The following ERC2 variants were observed in gnomAD, a reference collection of about 807,000 sequenced individuals.
ERC2 encodes the protein ERC protein 2.
A neutral mutation model predicts 114.8 loss-of-function variants in ERC2; 42 were observed. The ratio of observed to expected loss-of-function variants is 0.37; its 90% CI spans 0.29 to 0.47. The LOEUF (loss-of-function observed/expected upper bound fraction) is 0.47. Among genes scored for constraint, ERC2 ranks in the 20% least tolerant of loss-of-function variants. The pLI is 0.99. For missense variants in ERC2, 939 were observed against 1,150.7 expected, an observed-to-expected ratio of 0.82 and a Z score of 2.66; for synonymous variants, 454 against 425.5, an observed-to-expected ratio of 1.07 and a Z score of -0.82.
chr3:55,636,845 C>G (rs1304263490), intron 17 of ERC2, among the ~76,000 whole-genome samples: 2 of 152,232 alleles, frequency 1.3e-5, no homozygotes, highest in Non-Finnish European at 2.9e-5. Flanking sequence ...TAATGACAAA[C>G]CAGACCTGAT....
intron 14 of ERC2, among the ~76,000 whole-genome samples, chr3:55,745,594 C>T (rs1470242109): frequency 6.6e-6 from 1 of 152,114 alleles, no homozygotes; most frequent in African/African-American, 2.4e-5. Context: ...TTCAATTCTG[C>T]CAAGGTAGCT....
intron 2 of ERC2, among the ~76,000 whole-genome samples, chr3:56,404,001 A>T (rs1344198486): frequency 6.6e-6 from 1 of 152,240 alleles, no homozygotes; most frequent in African/African-American, 2.4e-5. Flanking sequence ...ACATCGCACC[A>T]GAGGTGCATA....
At chr3:55,653,500 T>C (rs761727601) in intron 17 of ERC2, among the ~76,000 whole-genome samples, 3 of 151,846 alleles carry the variant, frequency 2.0e-5, no homozygotes, top group Non-Finnish European at 4.4e-5. Context: ...AAGTCCACAA[T>C]ACACAAAGTG....
At chr3:56,142,547 G>T (rs1021649339) in intron 5 of ERC2, among the ~76,000 whole-genome samples, 4 of 151,602 alleles carry the variant, frequency 2.6e-5, no homozygotes, top group African/African-American at 9.7e-5. Context: ...CTAATTTTCA[G>T]CCTTGTTTCA....
chr3:56,311,231 T>TTCTC lies in ERC2; in HGVS notation c.658-14800_658-14797dup, dbSNP rs370683995. ...CAGTGTTCTTGGGATATCCATCATC[T>TTCTC]TCTCTCTCTCTCTCTCTCTCTCTCT... On this transcript the variant is annotated intron_variant, in intron 2 of 17. Coordinates refer to ENST00000288221, the MANE Select transcript of ERC2 (RefSeq NM_015576.3). 2.2e-3 allele frequency among the ~76,000 whole-genome samples: 207 copies of TTCTC among 96,242 alleles called. 1 individual carries two copies. Among genetic ancestry groups the TTCTC allele is most frequent in the African/African-American group, 3.9e-3 (79 of 20,154 alleles). 63.1% of individuals were successfully genotyped at this position (96,242 alleles called of 152,430 possible).
chr3:55,913,022 G>T (rs1311928524), intron 13 of ERC2, among the ~76,000 whole-genome samples: 2 of 151,896 alleles, frequency 1.3e-5, no homozygotes, highest in African/African-American at 4.8e-5. Context: ...GTCTTGCTCT[G>T]TTGCCCAGGC....
chr3:55,896,442 A>T (rs758102236), intron 13 of ERC2, among the ~76,000 whole-genome samples: 29 of 152,348 alleles, frequency 1.9e-4, no homozygotes, highest in Non-Finnish European at 3.7e-4. Context: ...ACAGTAATTA[A>T]GAGACAATAA....
At chr3:56,435,952 C>A (rs1399004380) in intron 1 of ERC2, among the ~76,000 whole-genome samples, 1 of 152,150 alleles carries the variant, frequency 6.6e-6, no homozygotes, top group Non-Finnish European at 1.5e-5. Flanking sequence ...TTCATATTAA[C>A]CACTTCATGT....
chr3:56,413,491 C>A (rs2061023078), intron 2 of ERC2, among the ~76,000 whole-genome samples: 1 of 152,028 alleles, frequency 6.6e-6, no homozygotes, highest in Non-Finnish European at 1.5e-5. Context: ...TCAAAAAATC[C>A]CTGCATGGAA....
At chr3:56,068,872 T>A (rs937805504) in intron 7 of ERC2, among the ~76,000 whole-genome samples, 1 of 152,240 alleles carries the variant, frequency 6.6e-6, no homozygotes, top group African/African-American at 2.4e-5. Flanking sequence ...TTCTTAATCT[T>A]TAGTTCTAAT....
In ERC2 at chr3:55,999,949, G is replaced by A. The variant is rs376870099; in HGVS notation, c.2061+7232C>T. On this transcript the variant is annotated intron_variant, in intron 10 of 17. Transcript: ENST00000288221. ...AATGAAAAGCAGAAATAATTAAGGT[G>A]TAATTTGTTTTACTAGATATTTAAA... 4.6e-5 allele frequency among the ~76,000 whole-genome samples: 7 copies of A among 151,826 alleles called. No homozygotes were observed. In the South Asian group the frequency reaches 6.2e-4, roughly 14 times the overall value.
At chr3:55,571,419 C>T (rs1170116454) in intron 17 of ERC2, among the ~76,000 whole-genome samples, 1 of 152,182 alleles carries the variant, frequency 6.6e-6, no homozygotes, top group African/African-American at 2.4e-5. Context: ...CAACCACTTC[C>T]TCCCTTCTGG....
chr3:56,296,596 G>T (rs902255855), intron 2 of ERC2, among the ~76,000 whole-genome samples, 161 bp from the exon 3 acceptor site: 14 of 152,204 alleles, frequency 9.2e-5, no homozygotes, highest in Middle Eastern at 3.2e-3. Flanking sequence ...AGAAGCATGG[G>T]ACAGCACATG....
At chr3:55,843,219 T>C (rs897119685) in intron 14 of ERC2, among the ~76,000 whole-genome samples, 1 of 152,154 alleles carries the variant, frequency 6.6e-6, no homozygotes, top group African/African-American at 2.4e-5. Flanking sequence ...CTTTCTCTTC[T>C]CATGGTTGGA....
chr3:55,894,027 A>G (rs1404601237), intron 13 of ERC2, among the ~76,000 whole-genome samples: 1 of 152,164 alleles, frequency 6.6e-6, no homozygotes, highest in African/African-American at 2.4e-5. Context: ...CACTTAGTAT[A>G]TTCTTAACAC....
Position 56,355,292 on chromosome 3 carries a change from T to TC in ERC2, c.658-58858_658-58857insG, listed in dbSNP as rs1282087943. Among the ~76,000 whole-genome samples the TC allele has an allele frequency of 2.0e-5, 3 of 151,414 alleles. No homozygotes were observed. In the East Asian group the frequency reaches 5.8e-4, roughly 29 times the overall value. On this transcript the variant is annotated intron_variant, in intron 2 of 17. Transcript: ENST00000288221. ...AAGGAGCTATTATTTCACCTTTTTT[T>TC]TTCTTGTTTTCTTTTTCTTTTTCTT...
intron 13 of ERC2, 105 bp from the exon 14 acceptor site, chr3:55,888,654 T>C: frequency 2.2e-6 from 3 of 1,380,980 alleles, no homozygotes; most frequent in Non-Finnish European, 3.0e-6. Context: ...ATCACAGGGA[T>C]CCTTGAACTG....
chr3:55,608,432 T>C (rs951402405), intron 17 of ERC2, among the ~76,000 whole-genome samples: 3 of 152,144 alleles, frequency 2.0e-5, no homozygotes, highest in Non-Finnish European at 2.9e-5. Flanking sequence ...CCCAATCAGA[T>C]TCAATTGCTG....
At chr3:56,397,906 T>C (rs1179717906) in intron 2 of ERC2, among the ~76,000 whole-genome samples, 2 of 152,158 alleles carry the variant, frequency 1.3e-5, no homozygotes, top group Admixed American at 6.6e-5. Flanking sequence ...GTGTCCACAT[T>C]CCAGGCAGCA....
Sources: gnomAD v4.1 joint callset for allele counts (sites outside exome capture counted in the v4.1 genomes callset) on GRCh38, gnomAD v4.1.1 for gene constraint, MANE v1.5 for transcripts, NCBI Gene and HGNC (gene_info 2026-07-23, HGNC 2026-07-21) for gene names.